The following KLHL32 variants were observed in gnomAD, a reference collection of about 807,000 sequenced individuals.
KLHL32 encodes kelch like family member 32, also known as kelch-like protein 32.
Under a neutral mutation model 64.8 loss-of-function variants are expected in KLHL32, and 35 were observed. The observed-to-expected ratio is 0.54, with a 90% confidence interval of 0.41 to 0.72. The LOEUF is 0.72. Among genes scored for constraint, KLHL32 ranks in the 30% least tolerant of loss-of-function variants. The probability of loss-of-function intolerance (pLI) is 0.00; values close to 1 mark genes in which losing one functional copy is unlikely to be tolerated. For missense variants in KLHL32, 589 were observed against 768.5 expected, an observed-to-expected ratio of 0.77 and a Z score of 2.76; for synonymous variants, 259 against 281.0, an observed-to-expected ratio of 0.92 and a Z score of 0.78.
At chr6:96,937,475 G>C (rs1208740053) in intron 1 of KLHL32, among the ~76,000 whole-genome samples, 3 of 152,148 alleles carry the variant, frequency 2.0e-5, no homozygotes, top group Non-Finnish European at 4.4e-5. Flanking sequence ...AGAGATGTAG[G>C]GGTGCCTGTA....
At chr6:97,044,582 T>G (rs7753391) in intron 4 of KLHL32, among the ~76,000 whole-genome samples, 1 of 151,982 alleles carries the variant, frequency 6.6e-6, no homozygotes, top group African/African-American at 2.4e-5. Context: ...AGATTGATAT[T>G]CTTTCTTCTT....
chr6:97,035,940 T>C (rs931842527), intron 3 of KLHL32, among the ~76,000 whole-genome samples: 2 of 152,140 alleles, frequency 1.3e-5, no homozygotes, highest in African/African-American at 4.8e-5. Context: ...TCTATTTCTC[T>C]TCTCTTTATT....
intron 3 of KLHL32, among the ~76,000 whole-genome samples, chr6:96,982,067 C>T (rs1009692325): frequency 4.6e-5 from 7 of 152,024 alleles, no homozygotes; most frequent in African/African-American, 1.4e-4. Context: ...CTGTTAGGCC[C>T]ATTCAGTCAA....
At chr6:97,115,205 A>G (rs1797688599) in intron 7 of KLHL32, among the ~76,000 whole-genome samples, 1 of 152,176 alleles carries the variant, frequency 6.6e-6, no homozygotes. Flanking sequence ...TTGTCAAGGC[A>G]GGGTTTCACT....
rs1362227801 is a variant in KLHL32 at position 96,976,106 on chromosome 6, A to G, written c.133A>G (p.Thr45Ala). ...GAGTGATGGCATCCTCTGCGACATC[A>G]CCCTGATTGCTGAGGAACAGAAATT... is the stretch of plus-strand genomic sequence containing the variant. ...QRSDGILCDI[T>A]LIAEEQKFHA... is the part of the protein sequence containing the mutation. Residue 45 changes from threonine (T) to alanine (A), a missense_variant, in exon 3 of 11, where the codon ACC (threonine) becomes GCC (alanine). By Grantham distance (58) the Thr-to-Ala change is moderately conservative (BLOSUM62 0). Coordinates refer to ENST00000369261, the MANE Select transcript of KLHL32 (RefSeq NM_052904.4). 61 of 1,608,534 alleles carry G rather than the reference A, an allele frequency of 3.8e-5. No individual in the cohort carries two copies. Among genetic ancestry groups the G allele is most frequent in the Non-Finnish European group, 5.1e-5 (60 of 1,176,118 alleles).
At chr6:97,094,394 C>G (rs1473603499) in intron 6 of KLHL32, among the ~76,000 whole-genome samples, 11 of 152,182 alleles carry the variant, frequency 7.2e-5, no homozygotes, top group Admixed American at 7.2e-4. Context: ...TTCTCCCACC[C>G]TTGCCTCCAA....
chr6:96,929,176 G>T (rs569470723), intron 1 of KLHL32, among the ~76,000 whole-genome samples: 1 of 152,136 alleles, frequency 6.6e-6, no homozygotes, highest in East Asian at 1.9e-4. Context: ...AATAGAAGGC[G>T]TCATAGCTAG....
chr6:97,033,256 A>G (rs951888545), intron 3 of KLHL32, among the ~76,000 whole-genome samples: 2 of 152,194 alleles, frequency 1.3e-5, no homozygotes, highest in Admixed American at 6.5e-5. Flanking sequence ...ATATGCCTAT[A>G]TAAGTGAGAT....
At chr6:96,987,842 A>G (rs2128059233) in intron 3 of KLHL32, among the ~76,000 whole-genome samples, 1 of 152,364 alleles carries the variant, frequency 6.6e-6, no homozygotes, top group East Asian at 1.9e-4. Flanking sequence ...GACAAAAACA[A>G]GAAATGGGGA....
At chr6:97,036,576 T>A (rs1391594795) in intron 3 of KLHL32, among the ~76,000 whole-genome samples, 1 of 152,028 alleles carries the variant, frequency 6.6e-6, no homozygotes, top group African/African-American at 2.4e-5. Context: ...GTGTGGTGGT[T>A]CTTAAATAAT....
Position 96,986,284 on chromosome 6 carries a change from T to C in KLHL32, c.204+10107T>C, listed in dbSNP as rs565410498. On this transcript the variant is annotated intron_variant, in intron 3 of 10. Transcript: ENST00000369261. ...GTGTGAGGTGTCAGTCTGCCCCTAA[T>C]GGGGGGGGCCTCCCAGTTAGGCTAC... 1.5e-4 allele frequency among the ~76,000 whole-genome samples: 23 copies of C among 151,808 alleles called. No individual in the cohort carries two copies. The East Asian group carries it at 3.9e-3, about 26-fold the overall frequency.
chr6:97,065,002 G>A (rs1789498855), intron 5 of KLHL32, among the ~76,000 whole-genome samples: 1 of 152,210 alleles, frequency 6.6e-6, no homozygotes, highest in South Asian at 2.1e-4. Flanking sequence ...ACCATGCACA[G>A]GGTTCCCTGC....
chr6:96,998,937 T>C (rs1302878528), intron 3 of KLHL32, among the ~76,000 whole-genome samples: 1 of 152,156 alleles, frequency 6.6e-6, no homozygotes, highest in Non-Finnish European at 1.5e-5. Context: ...TAGAAATCAT[T>C]AATAACTAGA....
intron 3 of KLHL32, among the ~76,000 whole-genome samples, chr6:97,010,885 A>G (rs968878386): frequency 6.6e-6 from 1 of 152,218 alleles, no homozygotes. Flanking sequence ...GCATATTAGA[A>G]ATTTGAAGTA....
rs1582818166 is a variant in KLHL32 at position 97,041,482 on chromosome 6, C to T, written c.205-10C>T. The T allele has an allele frequency of 1.3e-6, 2 of 1,591,718 alleles. No individual in the cohort carries two copies. Among genetic ancestry groups the T allele is most frequent in the Non-Finnish European group, 1.7e-6 (2 of 1,159,772 alleles). ...TCTCATAACTGTCTTTCTCCCTTTC[C>T]TCACCTCAGGCAATGTTCAGTCTTT... On this transcript the variant is annotated splice_polypyrimidine_tract_variant and intron_variant, in intron 3 of 10. Transcript: ENST00000369261.
intron 1 of KLHL32, among the ~76,000 whole-genome samples, chr6:96,956,407 G>C (rs1204088279): frequency 6.6e-6 from 1 of 152,184 alleles, no homozygotes; most frequent in Non-Finnish European, 1.5e-5. Flanking sequence ...TCTTCTTCCA[G>C]AACCCACTCT....
chr6:96,986,996 A>G (rs948138117), intron 3 of KLHL32, among the ~76,000 whole-genome samples: 1 of 152,188 alleles, frequency 6.6e-6, no homozygotes, highest in African/African-American at 2.4e-5. Flanking sequence ...AGCTGTTCCT[A>G]TGCGGCCATC....
upstream of KLHL32, among the ~76,000 whole-genome samples, chr6:96,919,869 G>A (rs1330937740): frequency 1.3e-5 from 2 of 152,132 alleles, no homozygotes; most frequent in African/African-American, 4.8e-5. Flanking sequence ...GTGTTTTCTC[G>A]TACTTGGGCT....
chr6:97,032,631 A>C (rs1320064515), intron 3 of KLHL32, among the ~76,000 whole-genome samples: 1 of 151,948 alleles, frequency 6.6e-6, no homozygotes, highest in Non-Finnish European at 1.5e-5. Flanking sequence ...TATATACGGG[A>C]TTGGTGGCAA....
Sources: allele counts gnomAD v4.1 joint callset (sites outside exome capture counted in the v4.1 genomes callset), GRCh38; gene constraint gnomAD v4.1.1; transcripts MANE v1.5; gene names NCBI Gene and HGNC (gene_info 2026-07-23, HGNC 2026-07-21).